Variants in TMEFF1 observed in about 807,000 individuals in gnomAD.
The protein encoded by TMEFF1 is tomoregulin-1.
Under a neutral mutation model 47.5 loss-of-function variants are expected in TMEFF1, and 20 were observed. The ratio of observed to expected loss-of-function variants is 0.42; its 90% CI spans 0.30 to 0.61. TMEFF1 has a LOEUF of 0.61. TMEFF1 is among the 20% of genes least tolerant of loss of function. The pLI is 0.19. For missense variants in TMEFF1, 411 were observed against 471.1 expected, an observed-to-expected ratio of 0.87 and a Z score of 1.18; for synonymous variants, 162 against 166.3, an observed-to-expected ratio of 0.97 and a Z score of 0.20.
chr9:100,561,227 A>G (rs1007832806), intron 7 of TMEFF1, among the ~76,000 whole-genome samples, 170 bp from the exon 8 acceptor site: 4 of 152,242 alleles, frequency 2.6e-5, no homozygotes, highest in African/African-American at 9.6e-5. Context: ...AATAGGAATT[A>G]GAAGAGACCC....
chr9:100,480,790 T>C (rs1439555194), intron 1 of TMEFF1, among the ~76,000 whole-genome samples: 3 of 152,226 alleles, frequency 2.0e-5, no homozygotes, highest in Admixed American at 2.0e-4. Flanking sequence ...TTTTAAATGG[T>C]TTCTGCCTTA....
chr9:100,572,715 G>A, intron 9 of TMEFF1, 39 bp downstream of exon 9: 2 of 1,566,712 alleles, frequency 1.3e-6, no homozygotes, highest in Non-Finnish European at 8.6e-7. Context: ...TTAAATTAGA[G>A]GCAGGCAACT....
In TMEFF1 at chr9:100,547,258, C is replaced by G. The variant is rs576644399; in HGVS notation, c.561-486C>G. Among the ~76,000 whole-genome samples, 46 of 152,216 alleles carry G rather than the reference C, an allele frequency of 3.0e-4. 1 individual carries two copies. In the South Asian group the frequency reaches 9.3e-3, roughly 31 times the overall value. ...CTCAAACTCCTGGGCTCAAGTGATT[C>G]TCCTACCTTGGCCTCCCGAAGTGTT... is the stretch of plus-strand genomic sequence containing the variant. On this transcript the variant is annotated intron_variant, in intron 5 of 9. Coordinates refer to ENST00000374879, the MANE Select transcript of TMEFF1 (RefSeq NM_003692.5).
chr9:100,569,136 T>C (rs1839179941), intron 8 of TMEFF1, among the ~76,000 whole-genome samples: 1 of 152,224 alleles, frequency 6.6e-6, no homozygotes, highest in African/African-American at 2.4e-5. Flanking sequence ...GTTTAACATT[T>C]TGAGGAGCTG....
intron 5 of TMEFF1, among the ~76,000 whole-genome samples, chr9:100,520,419 A>G (rs1244796541): frequency 6.6e-6 from 1 of 152,242 alleles, no homozygotes; most frequent in Non-Finnish European, 1.5e-5. Flanking sequence ...TCTGATTTGC[A>G]AAGAGCAGCT....
chr9:100,499,194 G>T (rs549550250), intron 2 of TMEFF1, among the ~76,000 whole-genome samples: 2 of 152,028 alleles, frequency 1.3e-5, no homozygotes, highest in Non-Finnish European at 2.9e-5. Flanking sequence ...TTAAATGTTG[G>T]CATCTTTTTC....
chr9:100,572,459 A>G, intron 8 of TMEFF1, 59 bp from the exon 9 acceptor site: 1 of 1,450,190 alleles, frequency 6.9e-7, no homozygotes, highest in Non-Finnish European at 9.1e-7. Flanking sequence ...TTAATGTAAA[A>G]GCTTGGGAGT....
intron 8 of TMEFF1, among the ~76,000 whole-genome samples, chr9:100,571,905 A>G (rs968886452): frequency 6.6e-6 from 1 of 152,144 alleles, no homozygotes; most frequent in Admixed American, 6.5e-5. Flanking sequence ...CGCAGCTCAC[A>G]ATAGGGTTTG....
At chr9:100,542,383 T>C (rs1304447899) in intron 5 of TMEFF1, among the ~76,000 whole-genome samples, 2 of 152,218 alleles carry the variant, frequency 1.3e-5, no homozygotes, top group Non-Finnish European at 2.9e-5. Flanking sequence ...TTGTTCTTCA[T>C]TCGTATTTGC....
chr9:100,488,990 A>G (rs1365063244), intron 1 of TMEFF1, among the ~76,000 whole-genome samples: 1 of 152,188 alleles, frequency 6.6e-6, no homozygotes, highest in South Asian at 2.1e-4. Flanking sequence ...TATATTGTGC[A>G]GTGATCATCA....
At chr9:100,527,441 TGAGGGA>T (rs1156475997) in intron 5 of TMEFF1, among the ~76,000 whole-genome samples, 1 of 151,522 alleles carries the variant, frequency 6.6e-6, no homozygotes, top group East Asian at 1.9e-4. Flanking sequence ...GTGCAAGGGG[TGAGGGA>T]TTTCCCTTTC....
At chr9:100,481,533 A>G (rs1837337973) in intron 1 of TMEFF1, among the ~76,000 whole-genome samples, 1 of 152,246 alleles carries the variant, frequency 6.6e-6, no homozygotes, top group South Asian at 2.1e-4. Flanking sequence ...GCAGGAGATT[A>G]TGCCACCACA....
chr9:100,567,659 G>C (rs1212901308), intron 8 of TMEFF1, among the ~76,000 whole-genome samples: 2 of 152,148 alleles, frequency 1.3e-5, no homozygotes, highest in Non-Finnish European at 2.9e-5. Flanking sequence ...CCTGTGGAAG[G>C]TGTTTTGGGA....
intron 9 of TMEFF1, among the ~76,000 whole-genome samples, chr9:100,575,467 T>C (rs1156987016): frequency 6.6e-6 from 1 of 152,208 alleles, no homozygotes; most frequent in Admixed American, 6.5e-5. Flanking sequence ...TTGCTTGATC[T>C]GTCAGCTAGT....
At chr9:100,543,453 A>T (rs10465149) in intron 5 of TMEFF1, among the ~76,000 whole-genome samples, 30,741 of 151,384 alleles carry the variant, frequency 0.2, 3,523 homozygotes, top group South Asian at 0.31. Context: ...TCTATTACTT[A>T]GTTGTGGGTA....
chr9:100,510,481 T>C (rs1837941453), intron 3 of TMEFF1, among the ~76,000 whole-genome samples: 1 of 152,128 alleles, frequency 6.6e-6, no homozygotes, highest in East Asian at 1.9e-4. Context: ...CATAGTTTTT[T>C]CTTTATGAGA....
intron 9 of TMEFF1, among the ~76,000 whole-genome samples, chr9:100,573,658 C>T (rs957503271): frequency 1.5e-4 from 23 of 152,296 alleles, no homozygotes; most frequent in Middle Eastern, 3.4e-3. Context: ...ATTGGCAGGC[C>T]ATAATGGATT....
intron 7 of TMEFF1, among the ~76,000 whole-genome samples, chr9:100,554,399 T>C (rs1838879128): frequency 6.6e-6 from 1 of 151,846 alleles, no homozygotes; most frequent in African/African-American, 2.4e-5. Context: ...GCTGGGGAGC[T>C]GAGAGTGGAA....
intron 1 of TMEFF1, among the ~76,000 whole-genome samples, chr9:100,479,925 C>T (rs1294558937): frequency 6.6e-6 from 1 of 152,178 alleles, no homozygotes; most frequent in Non-Finnish European, 1.5e-5. Context: ...CTGTGTTTCA[C>T]ATTTTGAGGA....
Sources: gnomAD v4.1 joint callset for allele counts (sites outside exome capture counted in the v4.1 genomes callset) on GRCh38, gnomAD v4.1.1 for gene constraint, MANE v1.5 for transcripts, NCBI Gene and HGNC (gene_info 2026-07-23, HGNC 2026-07-21) for gene names.